The following SEMA4A variants were observed in gnomAD, a reference collection of about 807,000 sequenced individuals.
The protein encoded by SEMA4A is semaphorin-4A.
A neutral mutation model predicts 72.5 loss-of-function variants in SEMA4A; 52 were observed. That is an observed-to-expected ratio of 0.72 (90% confidence interval 0.57 to 0.90). The LOEUF is 0.90. Among genes scored for constraint, SEMA4A ranks in the 40% least tolerant of loss-of-function variants. The pLI is 0.00. For synonymous variants in SEMA4A, 369 were observed against 393.1 expected, an observed-to-expected ratio of 0.94 and a Z score of 0.73; for missense variants, 926 against 959.7, an observed-to-expected ratio of 0.96 and a Z score of 0.46.
chr1:156,176,982 C>A lies in SEMA4A; in HGVS notation c.2271C>A (p.Gly757=). ...TGGACGCTGACAACAACTGCCTAGG[C>A]ACTGAGGTAGCTTAAACTCTAGGCA... ...SDVDADNNCL[G]TEVA The change falls in exon 15 of 15, where the codon GGC becomes GGA. Residue 757 remains glycine, a synonymous_variant. Transcript: ENST00000368285. The A allele has an allele frequency of 6.2e-7, 1 of 1,610,356 alleles. No individual in the cohort carries two copies. Among genetic ancestry groups the A allele is most frequent in the Non-Finnish European group, 8.5e-7 (1 of 1,179,990 alleles).
intron 11 of SEMA4A, among the ~76,000 whole-genome samples, chr1:156,173,925 C>T (rs1655055618): frequency 6.6e-6 from 1 of 152,074 alleles, no homozygotes; most frequent in Non-Finnish European, 1.5e-5. Flanking sequence ...GCCTGGCCAA[C>T]ATTGTGAAAC....
At position 156,160,427 on chromosome 1, in the gene SEMA4A, C is replaced by G; in HGVS notation, c.569-16C>G. ...TCCACCCCATCAGTTCTCTCTTCTC[C>G]TCTCCTCCACCCTAGATGGGATGCT... On this transcript the variant is annotated splice_polypyrimidine_tract_variant and intron_variant, in intron 6 of 14. Transcript: ENST00000368285. 1.3e-6 allele frequency: 2 copies of G among 1,596,258 alleles called. No homozygotes were observed. The highest frequency in any genetic ancestry group is 1.7e-6 in the Non-Finnish European group (2 of 1,163,986).
rs764472129 is a variant in SEMA4A at position 156,176,675 on chromosome 1, G to A, written c.1964G>A (p.Gly655Asp). The change falls in exon 15 of 15, where the codon GGC becomes GAC. Residue 655 changes from glycine to aspartate, a missense_variant. Coordinates refer to ENST00000368285, the MANE Select transcript of SEMA4A (RefSeq NM_022367.4). ...CTGGCCCTGGATCCTGAACTGGCAG[G>A]CATCCCCCGGGAGCATGTGAAGGTC... ...QTLALDPELA[G>D]IPREHVKVPL... 3.7e-6 allele frequency: 6 copies of A among 1,614,072 alleles called. No homozygotes were observed. The African/African-American group carries it at 8.0e-5, about 22-fold the overall frequency.
At chr1:156,147,798 A>G (rs2102913919), upstream of SEMA4A, among the ~76,000 whole-genome samples, 1 of 152,270 alleles carries the variant, frequency 6.6e-6, no homozygotes, top group Non-Finnish European at 1.5e-5. Flanking sequence ...AAATAGAATT[A>G]TGTATGCTGC....
In SEMA4A at chr1:156,177,048, G is replaced by A; in HGVS notation, c.*51G>A. On this transcript the variant is annotated 3_prime_UTR_variant, in exon 15 of 15. Coordinates refer to ENST00000368285, the MANE Select transcript of SEMA4A (RefSeq NM_022367.4). ...GTGCAGGCACCTGGCCATGCTGGCT[G>A]GGCGGCCCAAGCACAGCCCTGACTA... is the stretch of plus-strand genomic sequence containing the variant. The A allele has an allele frequency of 6.5e-7, 1 of 1,547,634 alleles. No homozygotes were observed. The highest frequency in any genetic ancestry group is 1.7e-5 in the Admixed American group (1 of 59,272).
intron 1 of SEMA4A, 91 bp from the exon 2 acceptor site, chr1:156,154,459 G>A (rs1385474291): frequency 3.3e-6 from 4 of 1,213,486 alleles, no homozygotes; most frequent in African/African-American, 1.5e-5. Flanking sequence ...CAATACACAC[G>A]CTTCTGCTGC....
intron 10 of SEMA4A, 123 bp from the exon 11 acceptor site, chr1:156,172,703 A>T: frequency 1.1e-6 from 1 of 949,692 alleles, no homozygotes; most frequent in Non-Finnish European, 1.7e-6. Context: ...CGGAGCTTTA[A>T]CCACCACCCT....
rs748780772 is a variant in SEMA4A, at chr1:156,176,526, C to T, written c.1815C>T (p.Val605=). ...CAGTCCCAGAAGCCTCTTCCACTGTCTACAATGGCTCCCTCTTGCTGATAG... is the reference window on the plus strand; with the variant it reads ...CAGTCCCAGAAGCCTCTTCCACTGTTTACAATGGCTCCCTCTTGCTGATAG... ...PAAVPEASST[V]YNGSLLLIVQ... Residue 605 remains valine (V), a synonymous_variant, in exon 15 of 15, where the codon GTC becomes GTT. Transcript: ENST00000368285. 2 of 1,614,162 alleles carry T rather than the reference C, an allele frequency of 1.2e-6. No homozygotes were observed. Among genetic ancestry groups the T allele is most frequent in the Non-Finnish European group, 1.7e-6 (2 of 1,180,016 alleles).
At chr1:156,168,794 G>T (rs1375088877) in intron 10 of SEMA4A, among the ~76,000 whole-genome samples, 1 of 152,098 alleles carries the variant, frequency 6.6e-6, no homozygotes, top group Non-Finnish European at 1.5e-5. Context: ...TGTATCTTAG[G>T]TCATTAAGTC....
intron 11 of SEMA4A, 36 bp from the exon 12 acceptor site, chr1:156,174,786 G>A: frequency 6.2e-7 from 1 of 1,614,074 alleles, no homozygotes; most frequent in Non-Finnish European, 8.5e-7. Flanking sequence ...CTGTGGATGA[G>A]ATGAGATGAC....
chr1:156,170,994 C>T (rs1432472234), intron 10 of SEMA4A, among the ~76,000 whole-genome samples: 1 of 152,148 alleles, frequency 6.6e-6, no homozygotes, highest in East Asian at 1.9e-4. Context: ...AAGAGGTTCA[C>T]TTGAGGCCAG....
intron 13 of SEMA4A, 130 bp downstream of exon 13, chr1:156,175,373 G>A (rs1299044894): frequency 2.7e-5 from 34 of 1,267,206 alleles, no homozygotes; most frequent in South Asian, 2.3e-4. Context: ...ATCCTGCAGT[G>A]GGTTCCTCCA....
At chr1:156,169,087 A>C (rs906335732) in intron 10 of SEMA4A, among the ~76,000 whole-genome samples, 1 of 152,202 alleles carries the variant, frequency 6.6e-6, no homozygotes, top group Non-Finnish European at 1.5e-5. Context: ...GCAGTCACCC[A>C]GCTCTGTGGA....
Position 156,177,234 on chromosome 1 carries a change from C to G in SEMA4A, c.*237C>G, listed in dbSNP as rs1472820819. 3 of 594,196 alleles carry G rather than the reference C, an allele frequency of 5.0e-6. No homozygotes were observed. In the East Asian group the frequency reaches 8.6e-5, roughly 17 times the overall value. 36.8% of individuals were successfully genotyped at this position (594,196 alleles called of 1,614,324 possible). On this transcript the variant is annotated 3_prime_UTR_variant, in exon 15 of 15. Transcript: ENST00000368285. ...GCTCTCTAACAGGGTGGGGGCTACC[C>G]CCAGACCTGCTCCTACACTGATATT... is the stretch of plus-strand genomic sequence containing the variant.
At chr1:156,176,261 A>C (rs1655312278) in intron 14 of SEMA4A, 144 bp from the exon 15 acceptor site, 1 of 666,960 alleles carries the variant, frequency 1.5e-6, no homozygotes, top group Non-Finnish European at 2.6e-6. Context: ...GTGCCACTGC[A>C]CTCCAGCCTG....
chr1:156,168,937 G>A (rs995095136), intron 10 of SEMA4A, among the ~76,000 whole-genome samples: 5 of 152,182 alleles, frequency 3.3e-5, no homozygotes, highest in African/African-American at 1.2e-4. Flanking sequence ...GTCTCATCAT[G>A]TAGTGTACTT....
In SEMA4A at chr1:156,172,940, C is replaced by T. The variant is rs140420949; in HGVS notation, c.1249C>T (p.Arg417Trp). Residue 417 changes from arginine (R) to tryptophan (W), a missense_variant, in exon 11 of 15, where the codon CGG becomes TGG. Coordinates refer to ENST00000368285, the MANE Select transcript of SEMA4A (RefSeq NM_022367.4). ...GGTGAAATCTGGCGTGGAGTATACA[C>T]GGCTTGCAGTGGAGACAGCCCAGGG... ...LLVKSGVEYT[R>W]LAVETAQGLD... is the part of the protein sequence containing the mutation. 4.9e-5 allele frequency: 79 copies of T among 1,614,000 alleles called. No individual in the cohort carries two copies. Among genetic ancestry groups the T allele is most frequent in the Middle Eastern group, 1.6e-4 (1 of 6,084 alleles).
At chr1:156,154,166 T>G (rs1652780408) in intron 1 of SEMA4A, among the ~76,000 whole-genome samples, 1 of 152,086 alleles carries the variant, frequency 6.6e-6, no homozygotes, top group Admixed American at 6.6e-5. Flanking sequence ...CCCCAAAATG[T>G]TCCCTGCCCA....
intron 10 of SEMA4A, among the ~76,000 whole-genome samples, chr1:156,164,096 A>AT (rs1333095817): frequency 3.9e-5 from 6 of 151,948 alleles, no homozygotes; most frequent in Non-Finnish European, 8.8e-5. Context: ...GTGAGGCAAC[A>AT]TTTTCTCCTC....
Sources: gnomAD v4.1 joint callset for allele counts (sites outside exome capture counted in the v4.1 genomes callset) on GRCh38, gnomAD v4.1.1 for gene constraint, MANE v1.5 for transcripts, NCBI Gene and HGNC (gene_info 2026-07-23, HGNC 2026-07-21) for gene names.